The following LTBP1 variants were observed in gnomAD, a reference collection of about 807,000 sequenced individuals.
LTBP1 encodes latent-transforming growth factor beta-binding protein 1.
Under a neutral mutation model 207.6 loss-of-function variants are expected in LTBP1, and 129 were observed. The observed-to-expected ratio is 0.62, with a 90% CI of 0.54 to 0.72. The LOEUF (loss-of-function observed/expected upper bound fraction) is 0.72, where lower values mean the gene tolerates loss of function less well. Among genes scored for constraint, LTBP1 ranks in the 30% least tolerant of loss-of-function variants. The pLI is 0.00. For synonymous variants in LTBP1, 963 were observed against 833.7 expected (o/e 1.16, Z -2.67); for missense variants, 2,281 against 2,217.2 (o/e 1.03, Z -0.58).
At chr2:33,320,587 G>A (rs1053793039) in intron 24 of LTBP1, among the ~76,000 whole-genome samples, 19 of 152,076 alleles carry the variant, frequency 1.2e-4, no homozygotes, top group African/African-American at 4.3e-4. Flanking sequence ...GTTCAAACTG[G>A]TCTTCTACTG....
Position 33,185,689 on chromosome 2 carries a change from A to T in LTBP1, c.1202-1167A>T, listed in dbSNP as rs374663626. 1.0e-3 allele frequency among the ~76,000 whole-genome samples: 156 copies of T among 152,352 alleles called. 1 individual carries two copies. In the Middle Eastern group the frequency reaches 0.014, roughly 13 times the overall value. ...GGAAACCAAGGGAAGACTGAAATCC[A>T]TCCATTGGGTTTAGAAATGTGGAAA... On this transcript the variant is annotated intron_variant, in intron 5 of 33. Coordinates refer to ENST00000404816, the MANE Select transcript of LTBP1 (RefSeq NM_206943.4).
chr2:33,103,066 A>G (rs545031241), intron 3 of LTBP1, among the ~76,000 whole-genome samples: 4 of 151,286 alleles, frequency 2.6e-5, no homozygotes, highest in African/African-American at 7.3e-5. Flanking sequence ...CACTGTCTGT[A>G]TGCATAATCT....
intron 3 of LTBP1, among the ~76,000 whole-genome samples, chr2:33,044,704 G>C (rs530371267): frequency 7.5e-4 from 114 of 152,248 alleles, no homozygotes; most frequent in Non-Finnish European, 1.5e-4. Flanking sequence ...TTCCACAATC[G>C]TTTAACTAAT....
chr2:33,154,014 G>A lies in LTBP1; in HGVS notation c.1201+19054G>A, dbSNP rs144129787. Among the ~76,000 whole-genome samples the A allele has an allele frequency of 1.9e-3, 288 of 152,320 alleles. 1 individual carries two copies. Among genetic ancestry groups the A allele is most frequent in the Non-Finnish European group, 3.4e-3 (228 of 68,032 alleles). On this transcript the variant is annotated intron_variant, in intron 5 of 33. Transcript: ENST00000404816. The stretch of plus-strand genomic sequence containing the variant: ...CCTCAGGCCACAGCGCTGTCAGGAG[G>A]CACTTCTCTGTGCCAGTTCTTTGCT...
rs187268814 is a variant in LTBP1, at chr2:32,978,538, C to T, written c.565+29593C>T. ...ATATGTTGAACCATCCTTGCAACCC[C>T]GGGATAAGTCCCACTTGGTCATGAT... On this transcript the variant is annotated intron_variant, in intron 2 of 33. Transcript: ENST00000404816. Among the ~76,000 whole-genome samples the T allele has an allele frequency of 2.0e-4, 31 of 151,956 alleles. No homozygotes were observed. In the East Asian group the frequency reaches 2.9e-3, roughly 14 times the overall value.
At chr2:32,988,692 G>A (rs902616345) in intron 2 of LTBP1, among the ~76,000 whole-genome samples, 4 of 152,182 alleles carry the variant, frequency 2.6e-5, no homozygotes, top group Non-Finnish European at 5.9e-5. Flanking sequence ...AAGTGTGAAC[G>A]CCCTTCAGGA....
At chr2:33,144,008 A>G (rs1331724271) in intron 5 of LTBP1, among the ~76,000 whole-genome samples, 1 of 151,980 alleles carries the variant, frequency 6.6e-6, no homozygotes, top group South Asian at 2.1e-4. Flanking sequence ...CTGAAGGTGC[A>G]TATGGACTCC....
At chr2:33,057,645 C>T (rs1006893553) in intron 3 of LTBP1, among the ~76,000 whole-genome samples, 12 of 152,360 alleles carry the variant, frequency 7.9e-5, no homozygotes, top group East Asian at 1.9e-4. Flanking sequence ...GGGGACCTGG[C>T]GCACCCTCTG....
chr2:33,217,184 A>T (rs2090776179), intron 7 of LTBP1, among the ~76,000 whole-genome samples: 1 of 152,232 alleles, frequency 6.6e-6, no homozygotes, highest in Non-Finnish European at 1.5e-5. Context: ...TGGTCCACAC[A>T]AGAGATTTAA....
At chr2:33,102,732 G>A (rs1007862453) in intron 3 of LTBP1, among the ~76,000 whole-genome samples, 1 of 152,160 alleles carries the variant, frequency 6.6e-6, no homozygotes, top group African/African-American at 2.4e-5. Flanking sequence ...CTGGCAGTCT[G>A]TATATGCTGT....
At chr2:33,228,740 G>GC (rs1439684853) in intron 9 of LTBP1, among the ~76,000 whole-genome samples, 1 of 98,392 alleles carries the variant, frequency 1.0e-5, no homozygotes, top group Non-Finnish European at 2.0e-5. Flanking sequence ...TTACTCTGTC[G>GC]CCAGGCTGGA....
At chr2:33,002,390 C>T (rs980408162) in intron 2 of LTBP1, among the ~76,000 whole-genome samples, 3 of 152,136 alleles carry the variant, frequency 2.0e-5, no homozygotes, top group African/African-American at 7.2e-5. Context: ...ACAGGTAAAA[C>T]CACCTTCTCC....
intron 7 of LTBP1, among the ~76,000 whole-genome samples, chr2:33,198,641 C>T (rs568671949): frequency 2.7e-4 from 41 of 152,226 alleles, no homozygotes; most frequent in African/African-American, 9.4e-4. Context: ...GTGTATATGT[C>T]GAGGAATTTA....
intron 16 of LTBP1, 58 bp downstream of exon 16, chr2:33,273,839 C>T (rs2093369621): frequency 1.1e-5 from 16 of 1,457,050 alleles, no homozygotes; most frequent in Non-Finnish European, 1.4e-5. Context: ...ACATTAAGAA[C>T]ATTTTTTTCT....
rs1306407019 is a variant in LTBP1, at chr2:33,285,446, T to C, written c.3112+5288T>C. On this transcript the variant is annotated intron_variant, in intron 19 of 33. Transcript: ENST00000404816. ...TGGAGCATTCTCTTTTCTTTCTTTC[T>C]TTTTCTTTTTTTTTTTTTTTGAGAC... Among the ~76,000 whole-genome samples, 3 of 108,476 alleles carry C rather than the reference T, an allele frequency of 2.8e-5. No individual in the cohort carries two copies. The East Asian group carries it at 6.5e-4, about 23-fold the overall frequency. 71.2% of individuals were successfully genotyped at this position (108,476 alleles called of 152,430 possible).
Position 32,947,096 on chromosome 2 carries a change from G to A in LTBP1, c.-229G>A. The A allele has an allele frequency of 6.2e-6, 2 of 324,586 alleles. No homozygotes were observed. Among genetic ancestry groups the A allele is most frequent in the Non-Finnish European group, 1.1e-5 (2 of 179,630 alleles). The allele number at this position is 324,586 out of a possible 1,614,324, so 20.1% of individuals were successfully genotyped here. On this transcript the variant is annotated 5_prime_UTR_variant, in exon 1 of 34. Transcript: ENST00000404816. ...CCCCTCCCCGCTCCCCGGGCTCCGC[G>A]CTCCCCACCCCCACGCCCTCCTCCT...
chr2:33,197,550 T>C (rs1339792498), intron 7 of LTBP1, among the ~76,000 whole-genome samples: 1 of 152,202 alleles, frequency 6.6e-6, no homozygotes, highest in East Asian at 1.9e-4. Context: ...TTCATCTTTT[T>C]TACATAAAAA....
chr2:32,959,936 TA>T (rs1392117802), intron 2 of LTBP1, among the ~76,000 whole-genome samples: 4 of 152,006 alleles, frequency 2.6e-5, no homozygotes, highest in Non-Finnish European at 5.9e-5. Context: ...TTGCTATTTT[TA>T]ATTAAAATGT....
rs773034017 is a variant in LTBP1 at position 33,342,798 on chromosome 2, GTGTT to G, written c.3731-34_3731-31del. 1.1e-5 allele frequency: 18 copies of G among 1,605,242 alleles called. No individual in the cohort carries two copies. In the Admixed American group the frequency reaches 2.7e-4, roughly 24 times the overall value. Reference sequence around the variant, plus strand: ...ATTAATATCTGGTGTTTGTCAGCCTGTGTTTGTTTTGTGTCTGATGTTCCATGTC... The same window carrying G: ...ATTAATATCTGGTGTTTGTCAGCCTGTGTTTTGTGTCTGATGTTCCATGTC... On this transcript the variant is annotated intron_variant, in intron 24 of 33. Coordinates refer to ENST00000404816, the MANE Select transcript of LTBP1 (RefSeq NM_206943.4).
Sources: allele counts gnomAD v4.1 joint callset (sites outside exome capture counted in the v4.1 genomes callset), GRCh38; gene constraint gnomAD v4.1.1; transcripts MANE v1.5; gene names NCBI Gene and HGNC (gene_info 2026-07-23, HGNC 2026-07-21).